Variants in WWP2 observed in about 807,000 individuals in gnomAD.
WWP2 encodes WW domain containing E3 ubiquitin protein ligase 2.
A neutral mutation model predicts 121.0 loss-of-function variants in WWP2; 57 were observed. The ratio of observed to expected loss-of-function variants is 0.47; its 90% CI spans 0.38 to 0.59. The LOEUF is 0.59. Among genes scored for constraint, WWP2 ranks in the 20% least tolerant of loss-of-function variants. WWP2 has a pLI of 0.00. For missense variants in WWP2, 962 were observed against 1,158.9 expected (o/e 0.83, Z 2.47); for synonymous variants, 449 against 441.3 (o/e 1.02, Z -0.22).
At chr16:69,849,017 G>T (rs1439252588) in intron 6 of WWP2, among the ~76,000 whole-genome samples, 3 of 152,182 alleles carry the variant, frequency 2.0e-5, no homozygotes, top group African/African-American at 7.2e-5. Context: ...GGCATTAACG[G>T]CCTCTGAAGA....
At chr16:69,907,739 G>A (rs1388627180) in intron 8 of WWP2, among the ~76,000 whole-genome samples, 1 of 152,134 alleles carries the variant, frequency 6.6e-6, no homozygotes, top group Admixed American at 6.5e-5. Context: ...TTTCAGTAGT[G>A]CACATAAGCC....
chr16:69,856,786 TA>T (rs144173843), intron 6 of WWP2, among the ~76,000 whole-genome samples: 9 of 148,236 alleles, frequency 6.1e-5, no homozygotes, highest in Non-Finnish European at 1.0e-4. Context: ...AAATAAAAAA[TA>T]AAAAAAAAAT....
intron 8 of WWP2, among the ~76,000 whole-genome samples, chr16:69,906,981 A>AT (rs2058304813): frequency 6.6e-6 from 1 of 152,242 alleles, no homozygotes. Context: ...TCAATGACAC[A>AT]TTAAAAAGGA....
At chr16:69,836,980 C>T (rs926453671) in intron 4 of WWP2, among the ~76,000 whole-genome samples, 1 of 151,416 alleles carries the variant, frequency 6.6e-6, no homozygotes, top group African/African-American at 2.4e-5. Flanking sequence ...TTGGAGTGCC[C>T]TGGCATGATC....
At chr16:69,897,159 G>A (rs529505849) in intron 8 of WWP2, among the ~76,000 whole-genome samples, 12 of 151,886 alleles carry the variant, frequency 7.9e-5, no homozygotes, top group Non-Finnish European at 1.6e-4. Flanking sequence ...CTGGAGTGCA[G>A]TGGCGTGGTC....
At chr16:69,869,747 A>G (rs983831436) in intron 6 of WWP2, among the ~76,000 whole-genome samples, 2 of 152,350 alleles carry the variant, frequency 1.3e-5, no homozygotes, top group South Asian at 4.1e-4. Flanking sequence ...CCCAATATCC[A>G]AAGATAATGA....
At chr16:69,931,720 G>T in intron 15 of WWP2, 82 bp from the exon 16 acceptor site, 1 of 1,576,978 alleles carries the variant, frequency 6.3e-7, no homozygotes, top group Non-Finnish European at 8.7e-7. Flanking sequence ...TGGATATTGG[G>T]CCTTAGAGTC....
At chr16:69,860,853 A>AAG (rs2057404414) in intron 6 of WWP2, among the ~76,000 whole-genome samples, 1 of 148,058 alleles carries the variant, frequency 6.8e-6, no homozygotes, top group African/African-American at 2.6e-5. Flanking sequence ...AAAAAAAAAA[A>AAG]GGAAAGAAAG....
At chr16:69,766,037 A>T (rs2151762860) in intron 1 of WWP2, among the ~76,000 whole-genome samples, 1 of 152,030 alleles carries the variant, frequency 6.6e-6, no homozygotes, top group East Asian at 1.9e-4. Context: ...CTGTCTCGAG[A>T]CTTCTAGATC....
rs547257887 is a variant in WWP2, at chr16:69,840,888, TC to T, written c.478+627del. ...TAGATGTGATGTAACCATGGCACTT[TC>T]CAGACACCAAGCAGGATTTCTGTAG... On this transcript the variant is annotated intron_variant, in intron 5 of 23. Coordinates refer to ENST00000359154, the MANE Select transcript of WWP2 (RefSeq NM_001270454.2). Among the ~76,000 whole-genome samples, 3 of 152,362 alleles carry T rather than the reference TC, an allele frequency of 2.0e-5. No homozygotes were observed. The South Asian group carries it at 6.2e-4, about 32-fold the overall frequency.
chr16:69,932,918 G>A (rs914882904), intron 16 of WWP2, among the ~76,000 whole-genome samples: 2 of 152,214 alleles, frequency 1.3e-5, no homozygotes, highest in African/African-American at 4.8e-5. Flanking sequence ...CTCCCGGTGT[G>A]GGCATGTCTT....
At chr16:69,837,640 C>T (rs1035227124) in intron 4 of WWP2, among the ~76,000 whole-genome samples, 26 of 152,006 alleles carry the variant, frequency 1.7e-4, no homozygotes, top group African/African-American at 6.3e-4. Context: ...ATCAGTCCTC[C>T]AGGAAGGAGG....
intron 8 of WWP2, chr16:69,890,841 C>T (rs2058014261): frequency 1.3e-5 from 2 of 152,158 alleles, no homozygotes; most frequent in Admixed American, 1.3e-4. Flanking sequence ...AGCCGATTCC[C>T]CTCCCTCATC....
chr16:69,846,428 A>C (rs1285550718), intron 6 of WWP2, among the ~76,000 whole-genome samples: 1 of 152,164 alleles, frequency 6.6e-6, no homozygotes. Context: ...AAACTATAAA[A>C]AATGGATGGG....
At chr16:69,780,740 A>G (rs1169282571) in intron 1 of WWP2, among the ~76,000 whole-genome samples, 1 of 152,210 alleles carries the variant, frequency 6.6e-6, no homozygotes, top group African/African-American at 2.4e-5. Context: ...GAAATGGCTC[A>G]TGCCTGTAAT....
At chr16:69,852,283 C>CT (rs202191991) in intron 6 of WWP2, among the ~76,000 whole-genome samples, 22,378 of 146,172 alleles carry the variant, frequency 0.15, 1,939 homozygotes, top group East Asian at 0.4. Context: ...TGGAGAGTCT[C>CT]TTTTTTTTTT....
chr16:69,864,019 G>A (rs2057474351), intron 6 of WWP2, among the ~76,000 whole-genome samples: 1 of 152,148 alleles, frequency 6.6e-6, no homozygotes, highest in Non-Finnish European at 1.5e-5. Context: ...GCCTCTATGA[G>A]CTTTTGCATA....
At chr16:69,873,314 T>G (rs1597090538) in intron 7 of WWP2, among the ~76,000 whole-genome samples, 1 of 152,220 alleles carries the variant, frequency 6.6e-6, no homozygotes, top group African/African-American at 2.4e-5. Context: ...GTTGCCTGGG[T>G]ACCCTGTCAT....
chr16:69,894,151 T>C (rs1567412874), intron 8 of WWP2, among the ~76,000 whole-genome samples: 1 of 150,652 alleles, frequency 6.6e-6, no homozygotes, highest in Admixed American at 6.6e-5. Flanking sequence ...TCATGGCTCA[T>C]GGCAGCCTCA....
Sources: gnomAD v4.1 joint callset for allele counts (sites outside exome capture counted in the v4.1 genomes callset) on GRCh38, gnomAD v4.1.1 for gene constraint, MANE v1.5 for transcripts, NCBI Gene and HGNC (gene_info 2026-07-23, HGNC 2026-07-21) for gene names.